The following RBM17 variants were observed in gnomAD, a reference collection of about 807,000 sequenced individuals.
The protein encoded by RBM17 is RNA binding motif protein 17.
A neutral mutation model predicts 53.2 loss-of-function variants in RBM17; 7 were observed. The ratio of observed to expected loss-of-function variants is 0.13; its 90% CI spans 0.07 to 0.25. The LOEUF is 0.25. Ranked by LOEUF, RBM17 falls within the 10% of genes least tolerant of loss-of-function variation. The probability of loss-of-function intolerance (pLI) is 1.00; values close to 1 mark genes in which losing one functional copy is unlikely to be tolerated. For missense variants in RBM17, 257 were observed against 496.7 expected (o/e 0.52, Z 4.59); for synonymous variants, 167 against 178.1 (o/e 0.94, Z 0.50).
intron 3 of RBM17, 52 bp downstream of exon 3, chr10:6,101,439 CT>C: frequency 8.2e-7 from 1 of 1,212,516 alleles, no homozygotes; most frequent in Non-Finnish European, 1.2e-6. Context: ...TCCCATGTGG[CT>C]TATTTTGCAT....
chr10:6,091,795 T>G (rs9988772), intron 1 of RBM17, among the ~76,000 whole-genome samples: 1 of 148,108 alleles, frequency 6.8e-6, no homozygotes. Context: ...TGTGAAACAA[T>G]AGGCAGCATA....
intron 1 of RBM17, among the ~76,000 whole-genome samples, chr10:6,091,009 ATATT>A (rs1588340750): frequency 2.2e-5 from 2 of 89,776 alleles, no homozygotes; most frequent in East Asian, 7.1e-4. Flanking sequence ...AAATATATAA[ATATT>A]TATATATTTA....
At chr10:6,104,539 G>A (rs1036046160) in intron 3 of RBM17, among the ~76,000 whole-genome samples, 30 of 152,148 alleles carry the variant, frequency 2.0e-4, no homozygotes, top group African/African-American at 7.2e-4. Flanking sequence ...AATGATTGTG[G>A]TGTTCATGGT....
chr10:6,099,175 G>A (rs1013058596), intron 2 of RBM17, among the ~76,000 whole-genome samples: 3 of 151,918 alleles, frequency 2.0e-5, no homozygotes, highest in Admixed American at 6.6e-5. Flanking sequence ...GTGAGCCACC[G>A]TGCCCGGCCT....
rs781019067 is a variant in RBM17, at chr10:6,112,439, C to T, written c.856+78C>T. 3.1e-5 allele frequency: 48 copies of T among 1,541,502 alleles called. No homozygotes were observed. Among genetic ancestry groups the T allele is most frequent in the Non-Finnish European group, 4.1e-5 (46 of 1,124,636 alleles). The stretch of plus-strand genomic sequence containing the variant: ...ATCAGACATGGCCAGTCTTGATCCT[C>T]ATGTGTCAGCAGGGGGACAATGAGG... On this transcript the variant is annotated intron_variant, in intron 8 of 11. Coordinates refer to ENST00000379888, the MANE Select transcript of RBM17 (RefSeq NM_032905.5). This position sits in a 1 kb window ranked among gnomAD's most constrained non-coding sequence, Gnocchi z 4.4.
Position 6,104,934 on chromosome 10 carries a change from C to T in RBM17, c.244C>T (p.Pro82Ser). ...CTGCTGTTTTTACCTTCCTCAGGAT[C>T]CTGTTCCCAGTGGGTTTTCTGCAGG... is the stretch of plus-strand genomic sequence containing the variant. ...PPHVAAGLKD[P>S]VPSGFSAGEV... The change falls in exon 4 of 12, where the codon CCT (proline) becomes TCT (serine). Residue 82 changes from proline to serine, a missense_variant. Transcript: ENST00000379888. The T allele has an allele frequency of 6.2e-7, 1 of 1,613,464 alleles. No individual in the cohort carries two copies. The highest frequency in any genetic ancestry group is 1.3e-5 in the African/African-American group (1 of 75,000).
chr10:6,112,396 A>G lies in RBM17; in HGVS notation c.856+35A>G. 2 of 1,612,370 alleles carry G rather than the reference A, an allele frequency of 1.2e-6. No homozygotes were observed. The highest frequency in any genetic ancestry group is 2.7e-5 in the African/African-American group (2 of 74,982). On this transcript the variant is annotated intron_variant, in intron 8 of 11. Coordinates refer to ENST00000379888, the MANE Select transcript of RBM17 (RefSeq NM_032905.5). This position sits in a 1 kb window ranked among gnomAD's most constrained non-coding sequence, Gnocchi z 4.4. Reference sequence around the variant, plus strand: ...CAGGGAAGCGTGTGACTAGAGGGAAAGGACTGGCCCCATCCATATCAGACA... The same window carrying G: ...CAGGGAAGCGTGTGACTAGAGGGAAGGGACTGGCCCCATCCATATCAGACA...
At chr10:6,098,414 C>T (rs1055824925) in intron 2 of RBM17, among the ~76,000 whole-genome samples, 3 of 152,056 alleles carry the variant, frequency 2.0e-5, no homozygotes, top group African/African-American at 7.3e-5. Flanking sequence ...TACTTCTAAA[C>T]AATTCAGTCC....
At position 6,112,418 on chromosome 10, in the gene RBM17, G is replaced by C. The variant is rs1268440034; in HGVS notation, c.856+57G>C. 1 of 1,594,582 alleles carries C rather than the reference G, an allele frequency of 6.3e-7. No homozygotes were observed. Among genetic ancestry groups the C allele is most frequent in the Non-Finnish European group, 8.6e-7 (1 of 1,165,710 alleles). On this transcript the variant is annotated intron_variant, in intron 8 of 11. Coordinates refer to ENST00000379888, the MANE Select transcript of RBM17 (RefSeq NM_032905.5). This position sits in a 1 kb window ranked among gnomAD's most constrained non-coding sequence, Gnocchi z 4.4. ...GAAAGGACTGGCCCCATCCATATCA[G>C]ACATGGCCAGTCTTGATCCTCATGT...
chr10:6,100,232 G>C (rs1033215492), intron 2 of RBM17, among the ~76,000 whole-genome samples: 4 of 152,186 alleles, frequency 2.6e-5, no homozygotes, highest in African/African-American at 9.7e-5. Flanking sequence ...ATGAAAATTT[G>C]TAACACTTTA....
intron 5 of RBM17, 78 bp from the exon 6 acceptor site, chr10:6,108,608 A>C: frequency 6.3e-6 from 7 of 1,118,258 alleles, no homozygotes; most frequent in Non-Finnish European, 9.3e-6. Context: ...GGTGGGTGAT[A>C]GATATATGGT....
At chr10:6,094,009 C>G (rs1056751665) in intron 1 of RBM17, among the ~76,000 whole-genome samples, 1 of 124,572 alleles carries the variant, frequency 8.0e-6, no homozygotes, top group Non-Finnish European at 1.6e-5. Context: ...GAGTCTCACT[C>G]TGTCACACAG....
intron 3 of RBM17, among the ~76,000 whole-genome samples, chr10:6,103,263 A>G (rs750038976): frequency 6.6e-6 from 1 of 152,140 alleles, no homozygotes; most frequent in Non-Finnish European, 1.5e-5. Flanking sequence ...ATTTTACCCC[A>G]TCCTCCCCCC....
At chr10:6,101,233 A>G in intron 2 of RBM17, 38 bp from the exon 3 acceptor site, 1 of 1,349,194 alleles carries the variant, frequency 7.4e-7, no homozygotes, top group Non-Finnish European at 1.0e-6. Context: ...TTTTAATTTG[A>G]AACTTCAGTA....
Position 6,097,065 on chromosome 10 carries a change from G to T in RBM17, c.-1G>T, listed in dbSNP as rs201560984. The T allele has an allele frequency of 6.2e-7, 1 of 1,612,726 alleles. No individual in the cohort carries two copies. The highest frequency in any genetic ancestry group is 8.5e-7 in the Non-Finnish European group (1 of 1,179,828). On this transcript the variant is annotated 5_prime_UTR_variant, in exon 2 of 12. Transcript: ENST00000379888. ...CCTTTCAGCATTAAACTGAAGAAAA[G>T]ATGTCCCTGTACGATGACCTAGGAG... is the stretch of plus-strand genomic sequence containing the variant.
Position 6,108,749 on chromosome 10 carries a change from A to G in RBM17, c.562+7A>G, listed in dbSNP as rs778173626. ...GTAGAGAAAGACAAAGAGTGTAAGT[A>G]GATCTGTTTCTTCCTCTTTTATTCT... is the stretch of plus-strand genomic sequence containing the variant. On this transcript the variant is annotated splice_region_variant and intron_variant, in intron 6 of 11. Coordinates refer to ENST00000379888, the MANE Select transcript of RBM17 (RefSeq NM_032905.5). 17 of 1,606,300 alleles carry G rather than the reference A, an allele frequency of 1.1e-5. No homozygotes were observed. Among genetic ancestry groups the G allele is most frequent in the East Asian group, 4.5e-5 (2 of 44,816 alleles).
intron 3 of RBM17, among the ~76,000 whole-genome samples, chr10:6,104,343 T>G (rs1350326347): frequency 6.6e-6 from 1 of 152,160 alleles, no homozygotes; most frequent in Non-Finnish European, 1.5e-5. Flanking sequence ...TAAAAAAAAT[T>G]ATGATGCTGG....
intron 1 of RBM17, among the ~76,000 whole-genome samples, chr10:6,092,427 T>C (rs1196763684): frequency 2.0e-5 from 3 of 152,184 alleles, no homozygotes; most frequent in African/African-American, 4.8e-5. Context: ...ATACACACTT[T>C]TTAAGGAATA....
intron 5 of RBM17, 73 bp from the exon 6 acceptor site, chr10:6,108,613 T>A (rs1840790571): frequency 8.3e-7 from 1 of 1,210,230 alleles, no homozygotes; most frequent in East Asian, 2.4e-5. Context: ...GTGATAGATA[T>A]ATGGTGTGTC....
Sources: gnomAD v4.1 joint callset for allele counts (sites outside exome capture counted in the v4.1 genomes callset) on GRCh38, gnomAD v4.1.1 for gene constraint, Gnocchi (gnomAD v3.1) non-coding constraint, MANE v1.5 for transcripts, NCBI Gene and HGNC (gene_info 2026-07-23, HGNC 2026-07-21) for gene names.